WDR38: variants seen among roughly 807,000 people sequenced by gnomAD.
The protein encoded by WDR38 is WD repeat domain 38, also known as WD repeat-containing protein 38.
In WDR38, 37 loss-of-function variants were observed where a neutral mutation model predicts 36.6. The ratio of observed to expected loss-of-function variants is 1.01; its 90% CI spans 0.78 to 1.33. The LOEUF is 1.33. WDR38 is among the 40% of genes most tolerant of loss of function. The pLI is 0.00. For synonymous variants in WDR38, 164 were observed against 168.1 expected (o/e 0.98, Z 0.19); for missense variants, 411 against 414.6 (o/e 0.99, Z 0.07).
At position 124,856,716 on chromosome 9, in the gene WDR38, G is replaced by A; in HGVS notation, c.619-16G>A. 6.2e-7 allele frequency: 1 copy of A among 1,613,954 alleles called. No homozygotes were observed. Among genetic ancestry groups the A allele is most frequent in the Non-Finnish European group, 8.5e-7 (1 of 1,179,974 alleles). On this transcript the variant is annotated splice_polypyrimidine_tract_variant and intron_variant, in intron 6 of 8. Coordinates refer to ENST00000373574, the MANE Select transcript of WDR38 (RefSeq NM_001045476.3). ...CAGGCCCCAAACCCTGGGGATCAGA[G>A]CTGTCTGCTGTCCAGGCATCCGGCT...
chr9:124,857,465 A>G, intron 8 of WDR38, 37 bp from the exon 9 acceptor site: 1 of 1,614,174 alleles, frequency 6.2e-7, no homozygotes, highest in Middle Eastern at 1.6e-4. Context: ...CTCCCAAGGC[A>G]GGACTTGCCT....
chr9:124,857,477 G>T (rs374170431), intron 8 of WDR38, 25 bp from the exon 9 acceptor site: 1 of 1,614,082 alleles, frequency 6.2e-7, no homozygotes. Context: ...GACTTGCCTC[G>T]AGCCCCACCT....
chr9:124,855,663 G>A lies in WDR38; in HGVS notation c.220G>A (p.Asp74Asn). The change falls in exon 3 of 9, where the codon GAT (aspartate) becomes AAT (asparagine). Residue 74 changes from aspartate (D) to asparagine (N), a missense_variant. Asp to Asn is a conservative substitution (Grantham distance 23). Coordinates refer to ENST00000373574, the MANE Select transcript of WDR38 (RefSeq NM_001045476.3). ...GPVKFCRFSP[D>N]GHLFASASCD... ...CGTGAAGTTCTGCCGCTTCTCCCCT[G>A]ATGGCCACCTCTTCGCCAGCGCCTC... 1 of 1,612,104 alleles carries A rather than the reference G, an allele frequency of 6.2e-7. No homozygotes were observed. The highest frequency in any genetic ancestry group is 8.5e-7 in the Non-Finnish European group (1 of 1,180,004).
In WDR38 at chr9:124,856,162, G is replaced by A. The variant is rs966993588; in HGVS notation, c.406-78G>A. On this transcript the variant is annotated intron_variant, in intron 4 of 8. Transcript: ENST00000373574. ...AGCAGCCCTCAGGCTTTTTGCACGA[G>A]GTCCCCCTTTCCTGGACTGTCAAGG... 1.8e-5 allele frequency: 29 copies of A among 1,595,210 alleles called. No homozygotes were observed. The East Asian group carries it at 2.7e-4, about 15-fold the overall frequency.
intron 7 of WDR38, 145 bp downstream of exon 7, chr9:124,857,026 C>CATTA: frequency 8.1e-7 from 1 of 1,236,718 alleles, no homozygotes; most frequent in Non-Finnish European, 1.1e-6. Context: ...GCCTCTCTTC[C>CATTA]TAATGGCCAG....
At chr9:124,854,468 G>A in intron 2 of WDR38, 143 bp downstream of exon 2, 13 of 1,320,100 alleles carry the variant, frequency 9.8e-6, no homozygotes, top group Non-Finnish European at 1.2e-5. Context: ...ATATCTGGGT[G>A]CTGGGGCTTA....
chr9:124,857,555 A>G lies in WDR38; in HGVS notation c.870A>G (p.Leu290=), dbSNP rs1169683477. The change falls in exon 9 of 9, where the codon TTA becomes TTG. Residue 290 remains leucine, a synonymous_variant. Coordinates refer to ENST00000373574, the MANE Select transcript of WDR38 (RefSeq NM_001045476.3). ...TCAFTPDGKI[L]VSGAADQTRR... The stretch of plus-strand genomic sequence containing the variant: ...CCTTCACCCCAGATGGGAAAATCTT[A>G]GTGTCTGGAGCTGCCGATCAGACTA... The G allele has an allele frequency of 2.5e-6, 4 of 1,614,022 alleles. No individual in the cohort carries two copies. The highest frequency in any genetic ancestry group is 3.4e-6 in the Non-Finnish European group (4 of 1,180,028).
intron 2 of WDR38, among the ~76,000 whole-genome samples, chr9:124,855,356 A>C (rs1375095680): frequency 3.9e-5 from 6 of 152,246 alleles, no homozygotes; most frequent in Non-Finnish European, 7.3e-5. Context: ...GCTGGAGCTC[A>C]AAGGAGGCAG....
chr9:124,856,609 G>C lies in WDR38; in HGVS notation c.618+9G>C. On this transcript the variant is annotated intron_variant, in intron 6 of 8. Transcript: ENST00000373574. ...CAGCATCCGGCCTCCTGGTAAGTGG[G>C]GTGTCCTGGGTTCCAGGCTGGTCCC... is the stretch of plus-strand genomic sequence containing the variant. 2 of 1,613,678 alleles carry C rather than the reference G, an allele frequency of 1.2e-6. No individual in the cohort carries two copies. Among genetic ancestry groups the C allele is most frequent in the Non-Finnish European group, 1.7e-6 (2 of 1,179,850 alleles).
chr9:124,856,396 G>A, intron 5 of WDR38, 73 bp from the exon 6 acceptor site: 9 of 1,612,972 alleles, frequency 5.6e-6, no homozygotes, highest in Non-Finnish European at 7.6e-6. Context: ...GGAAGGGGAT[G>A]GACTCTGGGT....
intron 5 of WDR38, 40 bp downstream of exon 5, chr9:124,856,360 C>G: frequency 6.2e-7 from 1 of 1,613,654 alleles, no homozygotes. Flanking sequence ...CTCAGTGGCC[C>G]CATACCCACT....
intron 4 of WDR38, 126 bp from the exon 5 acceptor site, chr9:124,856,114 C>T: frequency 6.6e-7 from 1 of 1,523,850 alleles, no homozygotes; most frequent in Non-Finnish European, 8.9e-7. Context: ...GCCACAGCCG[C>T]CTCTCCAGGC....
chr9:124,856,825 A>G lies in WDR38; in HGVS notation c.712A>G (p.Ser238Gly). The G allele has an allele frequency of 6.2e-7, 1 of 1,614,202 alleles. No homozygotes were observed. The highest frequency in any genetic ancestry group is 8.5e-7 in the Non-Finnish European group (1 of 1,180,026). The change falls in exon 7 of 9, where the codon AGC becomes GGC. Residue 238 changes from serine to glycine, a missense_variant. Ser to Gly is a moderately conservative substitution (Grantham distance 56). Transcript: ENST00000373574. ...GAAGGGCCATGTCACCTGGGTGAAG[A>G]GCATAGCCTTCTCTCCCGACGAGCT... ...QLKGHVTWVK[S>G]IAFSPDELWL...
At chr9:124,854,137 T>C in intron 1 of WDR38, 68 bp from the exon 2 acceptor site, 1 of 1,601,578 alleles carries the variant, frequency 6.2e-7, no homozygotes, top group African/African-American at 1.3e-5. Context: ...GGGGCAGTGT[T>C]TAGGGGTCAG....
At position 124,853,553 on chromosome 9, in the gene WDR38, A is replaced by G. The variant is rs1828962309; in HGVS notation, c.22A>G (p.Thr8Ala). Residue 8 changes from threonine (T) to alanine (A), a missense_variant, in exon 1 of 9, where the codon ACG (threonine) becomes GCG (alanine). Transcript: ENST00000373574. Reference sequence around the variant, plus strand: ...GCCCATGAACAGCGGGGTCCCGGCCACGCTGGCCGTGCGGAGAGTGAAATT... The same window carrying G: ...GCCCATGAACAGCGGGGTCCCGGCCGCGCTGGCCGTGCGGAGAGTGAAATT... MNSGVPA[T>A]LAVRRVKFFG... 8.0e-7 allele frequency: 1 copy of G among 1,250,366 alleles called. No homozygotes were observed. The highest frequency in any genetic ancestry group is 1.0e-6 in the Non-Finnish European group (1 of 990,208). The allele number at this position is 1,250,366 out of a possible 1,614,324, so 77.5% of individuals were successfully genotyped here.
chr9:124,854,794 G>A (rs1291332445), intron 2 of WDR38, among the ~76,000 whole-genome samples: 2 of 152,124 alleles, frequency 1.3e-5, no homozygotes, highest in Non-Finnish European at 1.5e-5. Context: ...TTGAACTCCT[G>A]ACCTCGTGAT....
Position 124,857,487 on chromosome 9 carries a change from T to G in WDR38, c.817-15T>G. On this transcript the variant is annotated splice_polypyrimidine_tract_variant and intron_variant, in intron 8 of 8. Transcript: ENST00000373574. Reference sequence around the variant, plus strand: ...GGCAGGACTTGCCTCGAGCCCCACCTTCTACTCTTAGCAGGGAGTCCTGGA... The same window carrying G: ...GGCAGGACTTGCCTCGAGCCCCACCGTCTACTCTTAGCAGGGAGTCCTGGA... 1 of 1,614,142 alleles carries G rather than the reference T, an allele frequency of 6.2e-7. No individual in the cohort carries two copies. Among genetic ancestry groups the G allele is most frequent in the South Asian group, 1.1e-5 (1 of 91,082 alleles).
At chr9:124,855,505 C>T in intron 2 of WDR38, 129 bp from the exon 3 acceptor site, 1 of 917,108 alleles carries the variant, frequency 1.1e-6, no homozygotes, top group Non-Finnish European at 1.7e-6. Context: ...GAAATCCAGG[C>T]ATTTCTGGGA....
At chr9:124,854,409 C>G in intron 2 of WDR38, 84 bp downstream of exon 2, 2 of 1,589,004 alleles carry the variant, frequency 1.3e-6, no homozygotes, top group Admixed American at 3.4e-5. Context: ...CTCCGATGAG[C>G]TGGGCACGGG....
Sources: allele counts gnomAD v4.1 joint callset (sites outside exome capture counted in the v4.1 genomes callset), GRCh38; gene constraint gnomAD v4.1.1; transcripts MANE v1.5; gene names NCBI Gene and HGNC (gene_info 2026-07-23, HGNC 2026-07-21).